ARMCX4: variants seen among roughly 807,000 people sequenced by gnomAD.
ARMCX4 encodes armadillo repeat containing X-linked 4, also known as armadillo repeat-containing X-linked protein 4.
ARMCX4 carries 3 observed loss-of-function variants against 34.7 expected under a neutral mutation model. That is an observed-to-expected ratio of 0.09 (90% CI 0.04 to 0.22). The LOEUF is 0.22. Among genes scored for constraint, ARMCX4 ranks in the 10% least tolerant of loss-of-function variants. The pLI is 1.00. For synonymous variants in ARMCX4, 513 were observed against 632.8 expected (o/e 0.81, Z 2.84); for missense variants, 1,448 against 1,720.8 (o/e 0.84, Z 2.81).
At chrX:101,464,109 AT>A (rs1556001606) in intron 4 of ARMCX4, among the ~76,000 whole-genome samples, 1 of 110,109 alleles carries the variant, frequency 9.1e-6, no homozygotes, top group East Asian at 3.0e-4. Flanking sequence ...GCGGTGGCTC[AT>A]GCCTGTAATC....
Position 101,491,703 on chromosome X carries a change from T to A in ARMCX4, c.3114T>A (p.Gly1038=), listed in dbSNP as rs1347233908. 23 of 1,155,450 alleles carry A rather than the reference T, an allele frequency of 2.0e-5. No homozygotes were observed. Among genetic ancestry groups the A allele is most frequent in the Non-Finnish European group, 2.1e-5 (18 of 872,772 alleles). The change falls in exon 6 of 6, where the codon GGT becomes GGA. Residue 1038 remains glycine, a synonymous_variant. Coordinates refer to ENST00000423738, the MANE Select transcript of ARMCX4 (RefSeq NM_001256155.3). ...AQPQIVAGSQ[G]ETLPGARDKS... ...CTCAGATTGTGGCCGGTTCCCAGGGTGAGACCTTGCCTGGGGCAAGGGACA... is the reference window on the plus strand; with the variant it reads ...CTCAGATTGTGGCCGGTTCCCAGGGAGAGACCTTGCCTGGGGCAAGGGACA...
intron 11 of ARMCX4, among the ~76,000 whole-genome samples, chrX:101,530,001 T>C (rs2147727260): frequency 8.9e-6 from 1 of 112,026 alleles, no homozygotes; most frequent in Non-Finnish European, 1.9e-5. Flanking sequence ...CCAAAAGGAT[T>C]ATAAATCATG....
chrX:101,487,000 T>C (rs1415749284), intron 2 of ARMCX4, among the ~76,000 whole-genome samples, 193 bp from the exon 3 acceptor site: 3 of 109,649 alleles, frequency 2.7e-5, no homozygotes, highest in African/African-American at 1.0e-4. Flanking sequence ...CTGTTGCCTT[T>C]TACTTTTCCT....
At chrX:101,504,433 TTGTG>T (rs10555485) in intron 7 of ARMCX4, among the ~76,000 whole-genome samples, 5 of 104,987 alleles carry the variant, frequency 4.8e-5, no homozygotes, top group Non-Finnish European at 9.8e-5. Context: ...TTTAATAAGT[TTGTG>T]TGTGTGTGTG....
chrX:101,515,343 T>TTTCTTTCTTTCTTTCTTTCTTTCTTTC (rs1556017372), intron 11 of ARMCX4, among the ~76,000 whole-genome samples: 15 of 16,996 alleles, frequency 8.8e-4, no homozygotes, highest in African/African-American at 3.4e-3. Context: ...TTTCCTTTCC[T>TTTCTTTCTTTCTTTCTTTCTTTCTTTC]TTTCTTTCTT....
chrX:101,490,745 A>G lies in ARMCX4; in HGVS notation c.2156A>G (p.Glu719Gly). Residue 719 changes from glutamate (E) to glycine (G), a missense_variant, in exon 6 of 6, where the codon GAG becomes GGG. Glu to Gly is a moderately conservative substitution (Grantham distance 98). Around this residue, in one of 2 missense-constraint regions of ARMCX4, gnomAD observed 1,343 missense variants for 1,540.7 expected, o/e 0.87. Coordinates refer to ENST00000423738, the MANE Select transcript of ARMCX4 (RefSeq NM_001256155.3). ...CAGATTGTGGCCAATTCCCAGGGTG[A>G]GGTCTTGCCTGGTGCCAAGAATAAG... ...QPQIVANSQG[E>G]VLPGAKNKIR... 1.7e-6 allele frequency: 2 copies of G among 1,151,800 alleles called. No individual in the cohort carries two copies. The highest frequency in any genetic ancestry group is 1.1e-6 in the Non-Finnish European group (1 of 871,606). 94.9% of individuals were successfully genotyped at this position (1,151,800 alleles called of 1,213,427 possible).
intron 3 of ARMCX4, among the ~76,000 whole-genome samples, chrX:101,444,739 G>A (rs1157095832): frequency 2.7e-5 from 3 of 111,840 alleles, no homozygotes; most frequent in East Asian, 2.8e-4. Flanking sequence ...GAAGGTATAC[G>A]CTGTGATGAT....
intron 4 of ARMCX4, among the ~76,000 whole-genome samples, chrX:101,467,716 T>C (rs1932818700): frequency 8.9e-6 from 1 of 112,123 alleles, no homozygotes; most frequent in South Asian, 3.7e-4. Flanking sequence ...ATCATTTTTC[T>C]ATGTGTATTA....
At chrX:101,523,128 CA>C (rs1364140571) in intron 11 of ARMCX4, among the ~76,000 whole-genome samples, 3 of 111,701 alleles carry the variant, frequency 2.7e-5, no homozygotes, top group African/African-American at 9.8e-5. Flanking sequence ...GACCTATAAA[CA>C]TAGGGCAAAA....
At chrX:101,487,461 C>T (rs2147662651) in intron 3 of ARMCX4, 147 bp from the exon 4 acceptor site, 1 of 230,532 alleles carries the variant, frequency 4.3e-6, no homozygotes, top group Non-Finnish European at 8.2e-6. Context: ...TGGGGGAAGA[C>T]TTGATGGGGG....
chrX:101,515,465 TCCTCCCTC>T (rs1198191576), intron 11 of ARMCX4, among the ~76,000 whole-genome samples: 25 of 27,764 alleles, frequency 9.0e-4, no homozygotes, highest in African/African-American at 3.1e-3. Flanking sequence ...CTTCCTTCCT[TCCTCCCTC>T]CCTCCCTCCC....
At chrX:101,510,549 C>G (rs1318399797) in intron 10 of ARMCX4, among the ~76,000 whole-genome samples, 1 of 111,119 alleles carries the variant, frequency 9.0e-6, no homozygotes, top group Admixed American at 9.6e-5. Context: ...TTATTTTCAC[C>G]CTTGCTTATT....
intron 2 of ARMCX4, among the ~76,000 whole-genome samples, chrX:101,434,147 A>G (rs782648552): frequency 1.8e-5 from 2 of 109,600 alleles, no homozygotes; most frequent in South Asian, 3.9e-4. Context: ...GGGTCTCACC[A>G]TGTTGCCCAG....
intron 4 of ARMCX4, among the ~76,000 whole-genome samples, chrX:101,454,508 G>T (rs1932162772): frequency 1.9e-5 from 2 of 107,046 alleles, no homozygotes; most frequent in Admixed American, 1.0e-4. Flanking sequence ...GGATGGTCTC[G>T]ATCTCCTGAC....
chrX:101,467,502 T>G (rs1456401938), intron 4 of ARMCX4, among the ~76,000 whole-genome samples: 2 of 111,885 alleles, frequency 1.8e-5, no homozygotes, highest in Non-Finnish European at 3.8e-5. Flanking sequence ...AGCATCTATC[T>G]CAAGGAGCTA....
intron 11 of ARMCX4, among the ~76,000 whole-genome samples, chrX:101,515,414 T>TTCCTTCCTTC (rs1934707821): frequency 3.2e-4 from 4 of 12,328 alleles, no homozygotes; most frequent in African/African-American, 9.6e-4. Context: ...TCCCTCCCTC[T>TTCCTTCCTTC]CTTCCTTCCT....
chrX:101,488,804 A>G lies in ARMCX4; in HGVS notation c.215A>G (p.Glu72Gly). The change falls in exon 6 of 6, where the codon GAG becomes GGG. Residue 72 changes from glutamate (E) to glycine (G), a missense_variant. By Grantham distance (98) the Glu-to-Gly change is moderately conservative. Transcript: ENST00000423738. ...GAGATTAAGACTAAACCCCAAGTCG[A>G]GATTGGAGCAGAAACTGGAGCAAGA... ...EAEIKTKPQV[E>G]IGAETGARSG... The G allele has an allele frequency of 5.2e-6, 6 of 1,156,356 alleles. No homozygotes were observed. The highest frequency in any genetic ancestry group is 6.9e-6 in the Non-Finnish European group (6 of 873,096).
At chrX:101,502,603 A>T (rs186762421) in intron 7 of ARMCX4, among the ~76,000 whole-genome samples, 1 of 110,973 alleles carries the variant, frequency 9.0e-6, no homozygotes, top group East Asian at 2.9e-4. Flanking sequence ...GCAGTTGCAC[A>T]ATCAGGTAGA....
intron 11 of ARMCX4, chrX:101,516,588 T>G (rs1934749537): frequency 2.7e-5 from 3 of 110,828 alleles, no homozygotes; most frequent in Admixed American, 1.9e-4. Context: ...AATTTTGGAG[T>G]CCTAATAAAG....
Sources: gnomAD v4.1 joint callset for allele counts (sites outside exome capture counted in the v4.1 genomes callset) on GRCh38, gnomAD v4.1.1 for gene constraint, gnomAD v4.1.1 regional missense constraint, MANE v1.5 for transcripts, NCBI Gene and HGNC (gene_info 2026-07-23, HGNC 2026-07-21) for gene names.